TRAPPC12: variants seen among roughly 807,000 people sequenced by gnomAD.
The protein encoded by TRAPPC12 is trafficking protein particle complex subunit 12.
TRAPPC12 carries 61 observed loss-of-function variants against 69.2 expected under a neutral mutation model. That is an observed-to-expected ratio of 0.88 (90% CI 0.72 to 1.09). The LOEUF (loss-of-function observed/expected upper bound fraction) is 1.09. Ranked by LOEUF, TRAPPC12 falls within the 50% of genes least tolerant of loss-of-function variation. The probability of loss-of-function intolerance (pLI) is 0.00; values close to 1 mark genes in which losing one functional copy is unlikely to be tolerated. For synonymous variants in TRAPPC12, 469 were observed against 438.9 expected (o/e 1.07, Z -0.86); for missense variants, 1,101 against 1,016.4 (o/e 1.08, Z -1.13).
chr2:3,432,828 T>C (rs1156969058), intron 5 of TRAPPC12, among the ~76,000 whole-genome samples: 1 of 152,242 alleles, frequency 6.6e-6, no homozygotes, highest in African/African-American at 2.4e-5. Flanking sequence ...CCTCTCCTTA[T>C]CCTGTCTGCA....
At position 3,388,054 on chromosome 2, in the gene TRAPPC12, C is replaced by T. The variant is rs547808412; in HGVS notation, c.431C>T (p.Ala144Val). ...GCCCGCGAGGTCCCAGGCAGCGAAG[C>T]CGCGCGCCCGGAGCAGGAGCCTCCC... Reference protein sequence around the residue: ...DAAREVPGSEAARPEQEPPVA... With the variant: ...DAAREVPGSEVARPEQEPPVA... Residue 144 changes from alanine to valine, a missense_variant, in exon 2 of 12, where the codon GCC (alanine) becomes GTC (valine). Coordinates refer to ENST00000324266, the MANE Select transcript of TRAPPC12 (RefSeq NM_016030.6). 58 of 1,507,384 alleles carry T rather than the reference C, an allele frequency of 3.8e-5. No homozygotes were observed. In the South Asian group the frequency reaches 6.6e-4, roughly 17 times the overall value. The allele number at this position is 1,507,384 out of a possible 1,614,324, so 93.4% of individuals were successfully genotyped here.
chr2:3,401,739 T>C (rs1661454318), intron 2 of TRAPPC12, 38 bp from the exon 3 acceptor site: 1 of 1,417,408 alleles, frequency 7.1e-7, no homozygotes, highest in African/African-American at 1.4e-5. Context: ...TAGTTGACAT[T>C]TTATTGTCTT....
chr2:3,454,966 C>T (rs1285325813), intron 6 of TRAPPC12: 1 of 152,476 alleles, frequency 6.6e-6, no homozygotes, highest in Non-Finnish European at 1.5e-5. Flanking sequence ...TTGCCCAGAC[C>T]CCTAGACCCC....
intron 5 of TRAPPC12, among the ~76,000 whole-genome samples, chr2:3,426,355 C>G (rs1162396839): frequency 6.6e-6 from 1 of 152,248 alleles, no homozygotes; most frequent in African/African-American, 2.4e-5. Flanking sequence ...CACTATCACT[C>G]TCGGACGTAG....
intron 2 of TRAPPC12, among the ~76,000 whole-genome samples, chr2:3,399,594 G>A (rs1457014605): frequency 6.6e-6 from 1 of 152,170 alleles, no homozygotes; most frequent in Non-Finnish European, 1.5e-5. Context: ...ATGACCTGGA[G>A]CCACCCAGCC....
chr2:3,469,619 T>C (rs146630716), intron 9 of TRAPPC12, among the ~76,000 whole-genome samples: 2 of 152,006 alleles, frequency 1.3e-5, no homozygotes, highest in African/African-American at 4.8e-5. Context: ...CATCTCAGAG[T>C]CTTGTCCCCA....
chr2:3,388,584 C>G lies in TRAPPC12; in HGVS notation c.961C>G (p.Arg321Gly). ...LPGEATRGVL[R>G]AVATQQRGAV... ...CGGCGAGGCTACGCGTGGAGTCCTGCGGGCCGTGGCCACCCAGCAGCGCGG... is the reference window on the plus strand; with the variant it reads ...CGGCGAGGCTACGCGTGGAGTCCTGGGGGCCGTGGCCACCCAGCAGCGCGG... The change falls in exon 2 of 12, where the codon CGG becomes GGG. Residue 321 changes from arginine (R) to glycine (G), a missense_variant. Physicochemically the swap from Arg to Gly is moderately radical, Grantham distance 125. Transcript: ENST00000324266. 1 of 1,611,132 alleles carries G rather than the reference C, an allele frequency of 6.2e-7. No individual in the cohort carries two copies. Among genetic ancestry groups the G allele is most frequent in the Non-Finnish European group, 8.5e-7 (1 of 1,178,800 alleles).
At chr2:3,425,888 T>C (rs1408811102) in intron 5 of TRAPPC12, among the ~76,000 whole-genome samples, 1 of 152,222 alleles carries the variant, frequency 6.6e-6, no homozygotes, top group Non-Finnish European at 1.5e-5. Flanking sequence ...ATAGATGAAC[T>C]AAAAAGGCTA....
At chr2:3,383,752 G>A (rs989151446) in intron 1 of TRAPPC12, among the ~76,000 whole-genome samples, 2 of 151,872 alleles carry the variant, frequency 1.3e-5, no homozygotes, top group African/African-American at 4.8e-5. Context: ...TGTGTCTGTG[G>A]TGAGACAAGA....
intron 9 of TRAPPC12, among the ~76,000 whole-genome samples, chr2:3,467,276 A>C (rs1011660543): frequency 6.6e-6 from 1 of 152,210 alleles, no homozygotes; most frequent in African/African-American, 2.4e-5. Flanking sequence ...AGGAGAATGG[A>C]GAAAAAGACG....
At chr2:3,424,804 G>A (rs977002661) in intron 5 of TRAPPC12, 141 bp downstream of exon 5, 5 of 942,388 alleles carry the variant, frequency 5.3e-6, no homozygotes, top group Non-Finnish European at 6.1e-6. Flanking sequence ...AACAAGCCTT[G>A]ACTTACAGAA....
chr2:3,427,872 A>G (rs7577108), intron 5 of TRAPPC12, among the ~76,000 whole-genome samples: 95,435 of 151,370 alleles, frequency 0.63, 30,197 homozygotes, highest in African/African-American at 0.68. Flanking sequence ...CAGCCTGAGC[A>G]ACAGAGTGAG....
At chr2:3,390,064 T>C (rs1660742529) in intron 2 of TRAPPC12, among the ~76,000 whole-genome samples, 2 of 152,124 alleles carry the variant, frequency 1.3e-5, no homozygotes, top group Admixed American at 1.3e-4. Flanking sequence ...CAGAGGAAAG[T>C]GCTCCACATG....
intron 4 of TRAPPC12, among the ~76,000 whole-genome samples, chr2:3,423,141 C>T (rs1662906098): frequency 1.3e-5 from 2 of 152,154 alleles, no homozygotes; most frequent in Admixed American, 1.3e-4. Context: ...AGAGGGTGAA[C>T]CACCCTCCTT....
intron 3 of TRAPPC12, among the ~76,000 whole-genome samples, chr2:3,420,047 A>G (rs183705694): frequency 6.6e-6 from 1 of 152,322 alleles, no homozygotes; most frequent in East Asian, 1.9e-4. Flanking sequence ...CCGAATGCTT[A>G]TATCCACACA....
intron 7 of TRAPPC12, chr2:3,458,049 TCTGCGTCGGGGACAGAGG>T (rs1665266797): frequency 2.8e-6 from 1 of 363,056 alleles, no homozygotes; most frequent in Non-Finnish European, 3.1e-6. Context: ...GAGAGAGGCC[TCTGCGTCGGGGACAGAGG>T]CCTCTGCGTC....
chr2:3,478,776 T>C, intron 10 of TRAPPC12, 70 bp from the exon 11 acceptor site: 1 of 1,379,948 alleles, frequency 7.2e-7, no homozygotes, highest in South Asian at 1.2e-5. Flanking sequence ...CCAAAGCCCC[T>C]GTGGGTTGTG....
At chr2:3,385,460 C>T (rs919516433) in intron 1 of TRAPPC12, among the ~76,000 whole-genome samples, 1 of 151,994 alleles carries the variant, frequency 6.6e-6, no homozygotes, top group East Asian at 1.9e-4. Context: ...AATTTAGAAG[C>T]ATTTTACCTT....
rs888843149 is a variant in TRAPPC12 at position 3,414,572 on chromosome 2, G to T, written c.1165-7309G>T. Among the ~76,000 whole-genome samples the T allele has an allele frequency of 6.7e-6, 1 of 149,478 alleles. No individual in the cohort carries two copies. Among genetic ancestry groups the T allele is most frequent in the Non-Finnish European group, 1.5e-5 (1 of 67,724 alleles). On this transcript the variant is annotated intron_variant, in intron 3 of 11. Coordinates refer to ENST00000324266, the MANE Select transcript of TRAPPC12 (RefSeq NM_016030.6). This position sits in a 1 kb window ranked among gnomAD's most constrained non-coding sequence, Gnocchi z 4.9. The stretch of plus-strand genomic sequence containing the variant: ...CCCCCAGCTGTCCCCGCTGTGCAGT[G>T]CCTTGAACGTGCTCTGCCGTGTGTC...
Sources: allele counts gnomAD v4.1 joint callset (sites outside exome capture counted in the v4.1 genomes callset), GRCh38; gene constraint gnomAD v4.1.1; non-coding constraint Gnocchi (gnomAD v3.1); transcripts MANE v1.5; gene names NCBI Gene and HGNC (gene_info 2026-07-23, HGNC 2026-07-21).